The following IGSF10 variants were observed in gnomAD, a reference collection of about 807,000 sequenced individuals.
IGSF10 encodes calvaria mechanical force protein 608.
A neutral mutation model predicts 128.2 loss-of-function variants in IGSF10; 126 were observed. The observed-to-expected ratio is 0.98, with a 90% CI of 0.85 to 1.14. IGSF10 has a LOEUF of 1.14. Among genes scored for constraint, IGSF10 ranks in the 50% most tolerant of loss-of-function variants. The pLI is 0.00. For missense variants in IGSF10, 3,295 were observed against 3,149.8 expected, an observed-to-expected ratio of 1.05 and a Z score of -1.10; for synonymous variants, 1,185 against 1,146.2, an observed-to-expected ratio of 1.03 and a Z score of -0.68.
At chr3:151,575,401 C>CT in the IGSF10 span, among the ~76,000 whole-genome samples, 832 of 152,202 alleles carry the variant, frequency 5.5e-3, 11 homozygotes, top group African/African-American at 0.019. Flanking sequence ...TTCCCGGTCG[C>CT]TTTTTTTACC....
At chr3:151,501,768 C>A in the IGSF10 span, among the ~76,000 whole-genome samples, 1 of 151,980 alleles carries the variant, frequency 6.6e-6, no homozygotes, top group Non-Finnish European at 1.5e-5. Context: ...CGTAGGTAAC[C>A]AATTTGAAAA....
the IGSF10 span, among the ~76,000 whole-genome samples, chr3:151,579,021 G>A: frequency 6.6e-6 from 1 of 152,118 alleles, no homozygotes; most frequent in Admixed American, 6.5e-5. Flanking sequence ...AGAAGATGAA[G>A]GGAAACCTTC....
At chr3:151,566,432 T>C in the IGSF10 span, among the ~76,000 whole-genome samples, 3 of 152,194 alleles carry the variant, frequency 2.0e-5, no homozygotes, top group Non-Finnish European at 4.4e-5. Flanking sequence ...TGTTATGCTA[T>C]AACAAACTCC....
the IGSF10 span, among the ~76,000 whole-genome samples, chr3:151,538,945 CAAT>C: frequency 6.6e-6 from 1 of 152,136 alleles, no homozygotes; most frequent in Non-Finnish European, 1.5e-5. Flanking sequence ...ATCCCAATAA[CAAT>C]AATACTTCAG....
At chr3:151,454,019 CTT>C (rs142736294) in intron 4 of IGSF10, among the ~76,000 whole-genome samples, 90,903 of 126,216 alleles carry the variant, frequency 0.72, 32,222 homozygotes, top group Middle Eastern at 0.93. Context: ...TTTTCTTTTT[CTT>C]TTTTTTTTTT....
chr3:151,494,362 T>C, the IGSF10 span, among the ~76,000 whole-genome samples: 88 of 152,264 alleles, frequency 5.8e-4, no homozygotes, highest in African/African-American at 2.1e-3. Flanking sequence ...AGGGGAGCTA[T>C]GTGCAGAAAC....
intron 5 of IGSF10, among the ~76,000 whole-genome samples, chr3:151,449,974 T>C (rs1342984647): frequency 3.9e-5 from 6 of 152,290 alleles, no homozygotes; most frequent in African/African-American, 1.4e-4. Flanking sequence ...GGTTGATGGT[T>C]CCCTTGGATG....
At chr3:151,526,097 T>C in the IGSF10 span, among the ~76,000 whole-genome samples, 74 of 152,338 alleles carry the variant, frequency 4.9e-4, no homozygotes, top group African/African-American at 1.7e-3. Flanking sequence ...ACTATTTATC[T>C]AGCACATAAC....
the IGSF10 span, among the ~76,000 whole-genome samples, chr3:151,605,538 A>T: frequency 6.6e-6 from 1 of 152,202 alleles, no homozygotes; most frequent in Non-Finnish European, 1.5e-5. Context: ...GACTATGGCT[A>T]CGAAAATTCT....
At chr3:151,478,963 T>G in the IGSF10 span, among the ~76,000 whole-genome samples, 2 of 152,220 alleles carry the variant, frequency 1.3e-5, no homozygotes, top group Non-Finnish European at 2.9e-5. Context: ...AGAAGAAGCA[T>G]TTTAAATTCT....
the IGSF10 span, among the ~76,000 whole-genome samples, chr3:151,501,658 C>T: frequency 6.6e-6 from 1 of 151,934 alleles, no homozygotes; most frequent in Non-Finnish European, 1.5e-5. Flanking sequence ...AATGTTGATA[C>T]AGAATTTTAG....
intron 7 of IGSF10, among the ~76,000 whole-genome samples, chr3:151,439,742 C>T (rs1577662443): frequency 6.6e-6 from 1 of 152,196 alleles, no homozygotes; most frequent in South Asian, 2.1e-4. Flanking sequence ...TGTGGAATAC[C>T]ATTTTTCTCC....
At position 151,437,157 on chromosome 3, in the gene IGSF10, C is replaced by T. The variant is rs774439045; in HGVS notation, c.7404G>A (p.Met2468Ile). 8 of 1,614,048 alleles carry T rather than the reference C, an allele frequency of 5.0e-6. No homozygotes were observed. Among genetic ancestry groups the T allele is most frequent in the South Asian group, 2.2e-5 (2 of 91,078 alleles). ...GIPKPNIKWT[M>I]PSGYVVDRPQ... ...GCCTGTCTACTACATAACCACTTGGCATAGTCCATTTGATATTTGGCTTAG... is the reference window on the plus strand; with the variant it reads ...GCCTGTCTACTACATAACCACTTGGTATAGTCCATTTGATATTTGGCTTAG... The change falls in exon 8 of 8, where the codon ATG becomes ATA. Residue 2468 changes from methionine to isoleucine, a missense_variant. Coordinates refer to ENST00000282466, the MANE Select transcript of IGSF10 (RefSeq NM_178822.5).
chr3:151,596,774 G>A, the IGSF10 span, among the ~76,000 whole-genome samples: 1 of 152,184 alleles, frequency 6.6e-6, no homozygotes. Flanking sequence ...AAGATGATGG[G>A]TGAGCATGTA....
the IGSF10 span, among the ~76,000 whole-genome samples, chr3:151,551,067 T>C: frequency 6.6e-6 from 1 of 152,168 alleles, no homozygotes; most frequent in Non-Finnish European, 1.5e-5. Flanking sequence ...TTAACTTGCC[T>C]GTGTGTCTAC....
intron 4 of IGSF10, among the ~76,000 whole-genome samples, chr3:151,456,175 A>G (rs1323226673): frequency 6.6e-6 from 1 of 152,240 alleles, no homozygotes; most frequent in East Asian, 1.9e-4. Flanking sequence ...GATTAACCAA[A>G]TCAACAGAAT....
chr3:151,459,243 T>C (rs1481652836), intron 2 of IGSF10, among the ~76,000 whole-genome samples: 4 of 152,240 alleles, frequency 2.6e-5, no homozygotes, highest in African/African-American at 9.6e-5. Flanking sequence ...TCATCTATTG[T>C]GTGTATATGT....
At chr3:151,500,366 A>AT in the IGSF10 span, among the ~76,000 whole-genome samples, 4 of 152,020 alleles carry the variant, frequency 2.6e-5, no homozygotes, top group Admixed American at 2.0e-4. Flanking sequence ...TTTTGCTATT[A>AT]TTTTTTTGAA....
intron 7 of IGSF10, among the ~76,000 whole-genome samples, 158 bp downstream of exon 7, chr3:151,442,826 T>C (rs1354852585): frequency 6.6e-6 from 1 of 152,212 alleles, no homozygotes; most frequent in Non-Finnish European, 1.5e-5. Context: ...TCAAATGATC[T>C]CAAAAGATTA....
Sources: allele counts gnomAD v4.1 joint callset (sites outside exome capture counted in the v4.1 genomes callset), GRCh38; gene constraint gnomAD v4.1.1; transcripts MANE v1.5; gene names NCBI Gene and HGNC (gene_info 2026-07-23, HGNC 2026-07-21).